Variants in NCKAP1 observed in about 807,000 individuals in gnomAD.
NCKAP1 encodes the protein nck-associated protein 1.
In NCKAP1, 21 loss-of-function variants were observed where a neutral mutation model predicts 151.2. The ratio of observed to expected loss-of-function variants is 0.14; its 90% CI spans 0.10 to 0.20. The LOEUF (loss-of-function observed/expected upper bound fraction) is 0.20. Ranked by LOEUF, NCKAP1 falls within the 10% of genes least tolerant of loss-of-function variation. NCKAP1 has a pLI of 1.00. For synonymous variants in NCKAP1, 484 were observed against 451.8 expected (o/e 1.07, Z -0.90); for missense variants, 933 against 1,352.1 (o/e 0.69, Z 4.86).
At chr2:182,930,561 A>T (rs1244813605) in intron 27 of NCKAP1, 134 bp downstream of exon 27, 1 of 685,780 alleles carries the variant, frequency 1.5e-6, no homozygotes, top group Non-Finnish European at 2.5e-6. Flanking sequence ...TCCAAGTACC[A>T]GCAATAATAA....
In NCKAP1 at chr2:183,038,450, C is replaced by T; in HGVS notation, c.-351G>A. 5.5e-6 allele frequency: 1 copy of T among 182,786 alleles called. No individual in the cohort carries two copies. The highest frequency in any genetic ancestry group is 1.1e-5 in the Non-Finnish European group (1 of 92,092). The allele number at this position is 182,786 out of a possible 1,614,324, so 11.3% of individuals were successfully genotyped here. ...GCGGCGGCGGCGGCGGCGTCTCCGG[C>T]GGCTGAGAACGAGGCCGCTTCCCGC... On this transcript the variant is annotated 5_prime_UTR_variant, in exon 1 of 31. Coordinates refer to ENST00000361354, the MANE Select transcript of NCKAP1 (RefSeq NM_013436.5).
At chr2:182,974,980 A>T (rs1167133933) in intron 15 of NCKAP1, among the ~76,000 whole-genome samples, 1 of 152,226 alleles carries the variant, frequency 6.6e-6, no homozygotes, top group Non-Finnish European at 1.5e-5. Context: ...CACATGAATA[A>T]CTCAAATGTA....
rs79263442 is a variant in NCKAP1, at chr2:183,022,374, G to A, written c.219+1432C>T. Among the ~76,000 whole-genome samples, 10 of 152,270 alleles carry A rather than the reference G, an allele frequency of 6.6e-5. No homozygotes were observed. The East Asian group carries it at 1.7e-3, about 26-fold the overall frequency. On this transcript the variant is annotated intron_variant, in intron 2 of 30. Coordinates refer to ENST00000361354, the MANE Select transcript of NCKAP1 (RefSeq NM_013436.5). ...CTCTCAGATGAGGTAGCCAATTAAT[G>A]TCAGTAACTAAAAAAGAGTTCTCCA...
intron 10 of NCKAP1, among the ~76,000 whole-genome samples, chr2:182,985,862 T>C (rs188970030): frequency 5.3e-5 from 8 of 152,112 alleles, no homozygotes; most frequent in African/African-American, 1.7e-4. Context: ...TTAATTTTCA[T>C]GTAGTAGTAC....
rs929297407 is a variant in NCKAP1 at position 182,967,248 on chromosome 2, C to T, written c.1596G>A (p.Met532Ile). The stretch of plus-strand genomic sequence containing the variant: ...TGGAGAGATCTGATGTTTCCACCAA[C>T]ATTTCCACCAAGGAATCTACCATTT... ...HTKMVDSLVE[M>I]LVETSDLSIF... The change falls in exon 16 of 31, where the codon ATG becomes ATA. Residue 532 changes from methionine to isoleucine, a missense_variant. By Grantham distance (10) the Met-to-Ile change is conservative. This residue lies in a region of NCKAP1 where 607 missense variants were observed against 795.0 expected (regional missense o/e 0.76). Coordinates refer to ENST00000361354, the MANE Select transcript of NCKAP1 (RefSeq NM_013436.5). The T allele has an allele frequency of 6.2e-7, 1 of 1,610,550 alleles. No individual in the cohort carries two copies. The highest frequency in any genetic ancestry group is 1.3e-5 in the African/African-American group (1 of 74,644).
intron 7 of NCKAP1, 140 bp from the exon 8 acceptor site, chr2:182,995,027 G>A (rs373953091): frequency 6.0e-6 from 4 of 668,182 alleles, no homozygotes; most frequent in East Asian, 2.8e-5. Context: ...TTGAAGAGCT[G>A]GATAAAAGTT....
chr2:182,978,701 T>C (rs577046966), intron 14 of NCKAP1, 133 bp downstream of exon 14: 35 of 448,008 alleles, frequency 7.8e-5, no homozygotes, highest in Non-Finnish European at 3.9e-5. Flanking sequence ...TTGGAAATCT[T>C]TGCTTCAGAG....
At chr2:182,937,899 T>TA (rs1696913634) in intron 24 of NCKAP1, among the ~76,000 whole-genome samples, 1 of 152,100 alleles carries the variant, frequency 6.6e-6, no homozygotes, top group Non-Finnish European at 1.5e-5. Flanking sequence ...CCCACCTACT[T>TA]ATACCTGCCA....
chr2:182,961,319 C>G (rs1243784857), intron 18 of NCKAP1, among the ~76,000 whole-genome samples: 2 of 152,194 alleles, frequency 1.3e-5, no homozygotes, highest in Non-Finnish European at 2.9e-5. Flanking sequence ...ATAGCAAAGA[C>G]TTGGAACCAA....
intron 26 of NCKAP1, among the ~76,000 whole-genome samples, chr2:182,933,211 T>C (rs897501277): frequency 2.0e-5 from 3 of 151,956 alleles, no homozygotes; most frequent in Non-Finnish European, 4.4e-5. Flanking sequence ...AGAGAAAAGG[T>C]TGGTATTTTC....
chr2:182,978,725 T>C, intron 14 of NCKAP1, 109 bp downstream of exon 14: 1 of 544,654 alleles, frequency 1.8e-6, no homozygotes, highest in Non-Finnish European at 3.0e-6. Context: ...AAAATTAAGA[T>C]AAAAGATAAT....
chr2:182,954,336 A>C (rs1024719088), intron 20 of NCKAP1, among the ~76,000 whole-genome samples: 1 of 152,118 alleles, frequency 6.6e-6, no homozygotes, highest in African/African-American at 2.4e-5. Context: ...TACTTCCCTA[A>C]ATGATCTTAT....
intron 1 of NCKAP1, among the ~76,000 whole-genome samples, chr2:183,033,935 A>T (rs1046774211): frequency 2.0e-5 from 3 of 152,234 alleles, no homozygotes; most frequent in Admixed American, 6.5e-5. Flanking sequence ...TCATTAAAAA[A>T]TTTTAAAGTT....
intron 25 of NCKAP1, 164 bp downstream of exon 25, chr2:182,935,129 T>C: frequency 1.6e-6 from 1 of 611,328 alleles, no homozygotes; most frequent in African/African-American, 1.9e-5. Flanking sequence ...AAACAAAAAA[T>C]GAGCTTAAAT....
intron 2 of NCKAP1, among the ~76,000 whole-genome samples, chr2:183,009,485 A>AGCAAGCAAGCAG (rs1698550039): frequency 2.6e-5 from 4 of 151,786 alleles, no homozygotes; most frequent in Non-Finnish European, 4.4e-5. Flanking sequence ...GAAGCAAGCA[A>AGCAAGCAAGCAG]GCAAGCAGGC....
chr2:182,994,666 A>C (rs952077251), intron 8 of NCKAP1, among the ~76,000 whole-genome samples, 173 bp downstream of exon 8: 3 of 152,046 alleles, frequency 2.0e-5, no homozygotes, highest in South Asian at 2.1e-4. Flanking sequence ...AAGAAAAAAA[A>C]CCCACAAACA....
intron 26 of NCKAP1, 53 bp downstream of exon 26, chr2:182,934,699 T>C: frequency 1.1e-6 from 1 of 903,274 alleles, no homozygotes; most frequent in Admixed American, 2.5e-5. Context: ...CATATGTAAT[T>C]TAAATATTTC....
intron 5 of NCKAP1, 22 bp downstream of exon 5, chr2:183,002,105 G>T: frequency 6.2e-7 from 1 of 1,612,242 alleles, no homozygotes. Flanking sequence ...ATTTTAGAAA[G>T]ACTTTTATAA....
rs1029375989 is a variant in NCKAP1 at position 182,916,486 on chromosome 2, G to A, written c.*9216C>T. 1 of 152,196 alleles carries A rather than the reference G, an allele frequency of 6.6e-6. No homozygotes were observed. Among genetic ancestry groups the A allele is most frequent in the Non-Finnish European group, 1.5e-5 (1 of 68,032 alleles). The allele number at this position is 152,196 out of a possible 1,614,324, so 9.4% of individuals were successfully genotyped here. On this transcript the variant is annotated 3_prime_UTR_variant, in exon 31 of 31. Transcript: ENST00000361354. Reference sequence around the variant, plus strand: ...GGCAGTCCCAGAATCAAAGGAGTCAGAGATAAATAATAATTACATTATGAT... The same window carrying A: ...GGCAGTCCCAGAATCAAAGGAGTCAAAGATAAATAATAATTACATTATGAT...
Sources: allele counts gnomAD v4.1 joint callset (sites outside exome capture counted in the v4.1 genomes callset), GRCh38; gene constraint gnomAD v4.1.1; regional missense constraint gnomAD v4.1.1; transcripts MANE v1.5; gene names NCBI Gene and HGNC (gene_info 2026-07-23, HGNC 2026-07-21).